The following DOCK2 variants were observed in gnomAD, a reference collection of about 807,000 sequenced individuals.
DOCK2 encodes the protein dedicator of cytokinesis protein 2.
A neutral mutation model predicts 248.9 loss-of-function variants in DOCK2; 87 were observed. The ratio of observed to expected loss-of-function variants is 0.35; its 90% confidence interval spans 0.29 to 0.42. The LOEUF is 0.42. DOCK2 is among the 10% of genes least tolerant of loss of function. DOCK2 has a pLI of 1.00. For synonymous variants in DOCK2, 805 were observed against 821.6 expected, an observed-to-expected ratio of 0.98 and a Z score of 0.35; for missense variants, 1,747 against 2,300.2, an observed-to-expected ratio of 0.76 and a Z score of 4.92.
chr5:169,882,534 G>GAA, intron 27 of DOCK2: 1 of 1,509,128 alleles, frequency 6.6e-7, no homozygotes, highest in Non-Finnish European at 8.9e-7. Context: ...TTTTTAATAT[G>GAA]AAAAAAAAAT....
At chr5:169,883,918 T>A (rs1391781910) in intron 27 of DOCK2, 1 of 1,478,774 alleles carries the variant, frequency 6.8e-7, no homozygotes, top group East Asian at 2.5e-5. Flanking sequence ...GTGGGAAGGA[T>A]CAGGACCATA....
chr5:169,888,826 A>G (rs749069228), intron 27 of DOCK2, among the ~76,000 whole-genome samples: 9 of 151,590 alleles, frequency 5.9e-5, no homozygotes, highest in Non-Finnish European at 1.0e-4. Flanking sequence ...TAGCCATGAG[A>G]CACTTGTGAA....
At chr5:169,855,520 G>T (rs1477465739) in intron 27 of DOCK2, among the ~76,000 whole-genome samples, 1 of 152,176 alleles carries the variant, frequency 6.6e-6, no homozygotes, top group African/African-American at 2.4e-5. Flanking sequence ...TATGCTCTAG[G>T]ATGGTAGTGG....
intron 27 of DOCK2, among the ~76,000 whole-genome samples, chr5:169,928,236 A>G (rs1253883870): frequency 6.6e-6 from 1 of 152,212 alleles, no homozygotes; most frequent in Admixed American, 6.5e-5. Flanking sequence ...GGAGGGGTCT[A>G]CAGTTATTGC....
At chr5:170,059,547 C>T (rs1757254771) in intron 44 of DOCK2, among the ~76,000 whole-genome samples, 1 of 152,106 alleles carries the variant, frequency 6.6e-6, no homozygotes, top group East Asian at 1.9e-4. Context: ...CACTTATCTC[C>T]TAATAGCCTA....
At chr5:170,076,209 G>T in intron 47 of DOCK2, 125 bp downstream of exon 47, 2 of 1,378,328 alleles carry the variant, frequency 1.5e-6, no homozygotes, top group Non-Finnish European at 2.0e-6. Flanking sequence ...GATAATGATG[G>T]CCAGCATTGC....
At chr5:170,039,765 T>C (rs1462424440) in intron 36 of DOCK2, among the ~76,000 whole-genome samples, 1 of 152,144 alleles carries the variant, frequency 6.6e-6, no homozygotes, top group African/African-American at 2.4e-5. Flanking sequence ...ACGCATTGAG[T>C]GGAGATACCC....
intron 27 of DOCK2, among the ~76,000 whole-genome samples, chr5:169,867,588 A>G (rs1048817786): frequency 1.3e-4 from 20 of 151,740 alleles, no homozygotes; most frequent in Non-Finnish European, 2.2e-4. Flanking sequence ...TCTGTCATCT[A>G]TCGTTATCTA....
chr5:169,737,308 A>T lies in DOCK2; in HGVS notation c.2268-10088A>T, dbSNP rs184689799. On this transcript the variant is annotated intron_variant, in intron 22 of 51. Transcript: ENST00000520908. ...GGCTGGAATTCAGTGACCAAGGGAT[A>T]GAATGACTGGACATTGCCTAAAAGG... Among the ~76,000 whole-genome samples, 6 of 152,314 alleles carry T rather than the reference A, an allele frequency of 3.9e-5. No individual in the cohort carries two copies. The East Asian group carries it at 5.8e-4, about 15-fold the overall frequency.
intron 22 of DOCK2, among the ~76,000 whole-genome samples, chr5:169,724,010 C>T (rs1762342354): frequency 1.3e-5 from 2 of 152,162 alleles, no homozygotes; most frequent in African/African-American, 4.8e-5. Context: ...TAGAGTCAAG[C>T]TCAATGATCA....
chr5:169,680,712 C>A (rs1759610663), intron 6 of DOCK2, among the ~76,000 whole-genome samples: 1 of 151,868 alleles, frequency 6.6e-6, no homozygotes, highest in Non-Finnish European at 1.5e-5. Flanking sequence ...CAGAGCAAGA[C>A]CCTGACTCAT....
intron 27 of DOCK2, chr5:169,884,793 T>C (rs1351166986): frequency 6.6e-6 from 1 of 152,306 alleles, no homozygotes; most frequent in Non-Finnish European, 1.5e-5. Context: ...TGGGGTCTGA[T>C]ATCTGCAAGC....
At chr5:169,809,561 C>G (rs1025449019) in intron 26 of DOCK2, among the ~76,000 whole-genome samples, 1 of 152,178 alleles carries the variant, frequency 6.6e-6, no homozygotes, top group African/African-American at 2.4e-5. Context: ...ACCCTGATAT[C>G]CCAGCGCCAG....
intron 22 of DOCK2, among the ~76,000 whole-genome samples, chr5:169,730,102 A>ACG (rs1762691543): frequency 6.6e-6 from 1 of 152,074 alleles, no homozygotes; most frequent in Non-Finnish European, 1.5e-5. Flanking sequence ...GACTACAGGC[A>ACG]TGCACCACCA....
chr5:169,697,910 G>C (rs933424322), intron 10 of DOCK2, among the ~76,000 whole-genome samples: 1 of 152,110 alleles, frequency 6.6e-6, no homozygotes, highest in South Asian at 2.1e-4. Context: ...CAGGATTTGA[G>C]GATTCTTCAG....
chr5:170,050,185 C>T (rs1490173896), intron 40 of DOCK2, 71 bp from the exon 41 acceptor site: 3 of 1,575,482 alleles, frequency 1.9e-6, no homozygotes, highest in Non-Finnish European at 2.6e-6. Flanking sequence ...TTTACAAGCT[C>T]CCCAGCTTTG....
chr5:170,019,769 A>G (rs963718989), intron 33 of DOCK2, among the ~76,000 whole-genome samples: 16 of 152,258 alleles, frequency 1.1e-4, no homozygotes, highest in African/African-American at 3.6e-4. Flanking sequence ...CAGTTGCCAC[A>G]ATTGGCTCCC....
At position 169,826,981 on chromosome 5, in the gene DOCK2, C is replaced by T. The variant is rs148568850; in HGVS notation, c.2704-13776C>T. 5.2e-3 allele frequency among the ~76,000 whole-genome samples: 750 copies of T among 143,936 alleles called. 17 individuals are homozygous for T. The highest frequency in any genetic ancestry group is 0.019 in the African/African-American group (683 of 35,656). 94.4% of individuals were successfully genotyped at this position (143,936 alleles called of 152,430 possible). On this transcript the variant is annotated intron_variant, in intron 26 of 51. Transcript: ENST00000520908. ...AAAGCAGGGGCTAGATTTTCTGTCTCTGAATCCTCAGAATCCAGGACAGAG... is the reference window on the plus strand; with the variant it reads ...AAAGCAGGGGCTAGATTTTCTGTCTTTGAATCCTCAGAATCCAGGACAGAG...
Position 169,695,806 on chromosome 5 carries a change from C to T in DOCK2, c.847C>T (p.Leu283Phe), listed in dbSNP as rs369315365. The T allele has an allele frequency of 1.2e-6, 2 of 1,613,174 alleles. No homozygotes were observed. The highest frequency in any genetic ancestry group is 8.5e-7 in the Non-Finnish European group (1 of 1,179,784). ...LNNLKVVFTDLGNKDLNRDKI... is the reference protein window; with the variant it reads ...LNNLKVVFTDFGNKDLNRDKI... ...TTTTTTGTTTCTTTCCCCCCAGGAT[C>T]TTGGAAACAAAGACCTCAACAGGGA... Residue 283 changes from leucine to phenylalanine, a missense_variant, in exon 10 of 52, where the codon CTT (leucine) becomes TTT (phenylalanine). By Grantham distance (22) the Leu-to-Phe change is conservative (BLOSUM62 0). This residue lies in a region of DOCK2 where 375 missense variants were observed against 510.9 expected (regional missense o/e 0.73). Coordinates refer to ENST00000520908, the MANE Select transcript of DOCK2 (RefSeq NM_004946.3).
Sources: gnomAD v4.1 joint callset for allele counts (sites outside exome capture counted in the v4.1 genomes callset) on GRCh38, gnomAD v4.1.1 for gene constraint, gnomAD v4.1.1 regional missense constraint, MANE v1.5 for transcripts, NCBI Gene and HGNC (gene_info 2026-07-23, HGNC 2026-07-21) for gene names.